UBXN2B: variants seen among roughly 807,000 people sequenced by gnomAD.
The protein encoded by UBXN2B is UBX domain protein 2B, also known as UBX domain-containing protein 2B.
A neutral mutation model predicts 37.5 loss-of-function variants in UBXN2B; 19 were observed. The observed-to-expected ratio is 0.51, with a 90% CI of 0.35 to 0.74. UBXN2B has a LOEUF of 0.74. Among genes scored for constraint, UBXN2B ranks in the 30% least tolerant of loss-of-function variants. UBXN2B has a pLI of 0.01. For synonymous variants in UBXN2B, 145 were observed against 143.8 expected, an observed-to-expected ratio of 1.01 and a Z score of -0.06; for missense variants, 370 against 393.2, an observed-to-expected ratio of 0.94 and a Z score of 0.50.
intron 6 of UBXN2B, among the ~76,000 whole-genome samples, chr8:58,443,579 G>A (rs1808601333): frequency 6.9e-6 from 1 of 145,536 alleles, no homozygotes. Flanking sequence ...GATGACTTGA[G>A]ATTAGGAATT....
intron 1 of UBXN2B, among the ~76,000 whole-genome samples, chr8:58,415,668 G>A (rs1252803206): frequency 6.6e-6 from 1 of 151,920 alleles, no homozygotes; most frequent in East Asian, 1.9e-4. Flanking sequence ...TTTTTTATAG[G>A]CATTTGAAGA....
chr8:58,439,920 A>G, intron 6 of UBXN2B, 150 bp downstream of exon 6: 1 of 608,468 alleles, frequency 1.6e-6, no homozygotes, highest in South Asian at 2.9e-5. Flanking sequence ...TCATAATATT[A>G]TATCATGTGA....
chr8:58,425,847 A>G, intron 2 of UBXN2B: 1 of 1,166,948 alleles, frequency 8.6e-7, no homozygotes. Context: ...AGTTCCTGAC[A>G]GCAAATCATA....
chr8:58,447,843 T>A lies in UBXN2B; in HGVS notation c.*292T>A, dbSNP rs1808715307. 4.5e-6 allele frequency: 1 copy of A among 220,468 alleles called. No individual in the cohort carries two copies. The highest frequency in any genetic ancestry group is 2.3e-5 in the African/African-American group (1 of 44,098). 13.7% of individuals were successfully genotyped at this position (220,468 alleles called of 1,614,324 possible). ...TAGTGTTAATGTAACAACATTTGTT[T>A]GCAGAGAAAAATGAACAAAACCCCT... On this transcript the variant is annotated 3_prime_UTR_variant, in exon 8 of 8. Coordinates refer to ENST00000399598, the MANE Select transcript of UBXN2B (RefSeq NM_001077619.2).
intron 6 of UBXN2B, among the ~76,000 whole-genome samples, chr8:58,442,079 A>G (rs1585618967): frequency 6.6e-6 from 1 of 152,152 alleles, no homozygotes; most frequent in African/African-American, 2.4e-5. Context: ...TGCCTCCACC[A>G]CCTTAGTAAC....
In UBXN2B at chr8:58,446,087, A is replaced by C. The variant is rs75091764; in HGVS notation, c.833+19A>C. On this transcript the variant is annotated intron_variant, in intron 7 of 7. Coordinates refer to ENST00000399598, the MANE Select transcript of UBXN2B (RefSeq NM_001077619.2). ...CACACAGGTAAGCTTCTTTACCAACAGTGTCCTGTTTGCTGTTATATACAC... is the reference window on the plus strand; with the variant it reads ...CACACAGGTAAGCTTCTTTACCAACCGTGTCCTGTTTGCTGTTATATACAC... 1.5e-4 allele frequency: 233 copies of C among 1,596,634 alleles called. 1 individual carries two copies. In the East Asian group the frequency reaches 2.2e-3, roughly 15 times the overall value.
At chr8:58,412,429 G>A (rs547663752) in intron 1 of UBXN2B, among the ~76,000 whole-genome samples, 77 of 152,334 alleles carry the variant, frequency 5.1e-4, no homozygotes, top group African/African-American at 1.7e-3. Context: ...GAGAAATAGG[G>A]TATGAATACT....
chr8:58,447,515 T>C lies in UBXN2B; in HGVS notation c.960T>C (p.Asp320=). Residue 320 remains aspartate, a synonymous_variant, in exon 8 of 8, where the codon GAT becomes GAC. Transcript: ENST00000399598. ...AAAGCCTGACACTGCTAGAAGCAGA[T>C]ATTCTTAACACTGTGTTACTCCAGC... ...TDESLTLLEA[D]ILNTVLLQQL... The C allele has an allele frequency of 6.2e-7, 1 of 1,613,122 alleles. No individual in the cohort carries two copies. The highest frequency in any genetic ancestry group is 1.3e-5 in the African/African-American group (1 of 75,048).
Position 58,447,860 on chromosome 8 carries a change from A to G in UBXN2B, c.*309A>G, listed in dbSNP as rs1323742381. 5.1e-6 allele frequency: 1 copy of G among 197,826 alleles called. No homozygotes were observed. Among genetic ancestry groups the G allele is most frequent in the African/African-American group, 2.3e-5 (1 of 43,332 alleles). 12.3% of individuals were successfully genotyped at this position (197,826 alleles called of 1,614,324 possible). A position where few individuals can be genotyped will look rare whatever the true frequency, so the allele number is the denominator to read the frequency against. Reference sequence around the variant, plus strand: ...CATTTGTTTGCAGAGAAAAATGAACAAAACCCCTTTTTGATAAATGCATTT... The same window carrying G: ...CATTTGTTTGCAGAGAAAAATGAACGAAACCCCTTTTTGATAAATGCATTT... On this transcript the variant is annotated 3_prime_UTR_variant, in exon 8 of 8. Transcript: ENST00000399598.
Position 58,449,067 on chromosome 8 carries a change from A to G in UBXN2B, c.*1516A>G, listed in dbSNP as rs919127120. 2.0e-5 allele frequency: 3 copies of G among 152,110 alleles called. No homozygotes were observed. Among genetic ancestry groups the G allele is most frequent in the African/African-American group, 2.4e-5 (1 of 41,400 alleles). 9.4% of individuals were successfully genotyped at this position (152,110 alleles called of 1,614,324 possible). On this transcript the variant is annotated 3_prime_UTR_variant, in exon 8 of 8. Transcript: ENST00000399598. ...TAAAAACCAGTGCTGTTTCATCTCT[A>G]TGACCCTTCTGTTACCACATCTCTC...
At chr8:58,425,779 A>G (rs2129603999) in intron 2 of UBXN2B, 3 of 1,161,210 alleles carry the variant, frequency 2.6e-6, no homozygotes, top group Non-Finnish European at 3.9e-6. Context: ...TCTTCTTGTA[A>G]TGTTCCACAA....
At chr8:58,446,191 A>G (rs1276940990) in intron 7 of UBXN2B, 123 bp downstream of exon 7, 1 of 1,085,702 alleles carries the variant, frequency 9.2e-7, no homozygotes, top group East Asian at 2.8e-5. Flanking sequence ...CTTTTGAAGT[A>G]AGTTTTTGAC....
intron 1 of UBXN2B, among the ~76,000 whole-genome samples, chr8:58,416,051 T>G (rs1477708889): frequency 5.3e-5 from 8 of 150,894 alleles, no homozygotes; most frequent in South Asian, 2.1e-4. Context: ...GTTTTTTGGG[T>G]TTTTTTTGAA....
At chr8:58,423,540 G>A (rs544726178) in intron 2 of UBXN2B, among the ~76,000 whole-genome samples, 43 of 151,162 alleles carry the variant, frequency 2.8e-4, no homozygotes, top group East Asian at 1.8e-3. Context: ...GGTTCACACC[G>A]TTCTCCTGCC....
At chr8:58,427,902 G>A (rs1808144668) in intron 2 of UBXN2B, among the ~76,000 whole-genome samples, 1 of 152,132 alleles carries the variant, frequency 6.6e-6, no homozygotes, top group African/African-American at 2.4e-5. Context: ...AAGAGGAGGA[G>A]GAAGAAAACT....
At chr8:58,425,628 C>G in intron 2 of UBXN2B, 1 of 1,131,106 alleles carries the variant, frequency 8.8e-7, no homozygotes, top group Non-Finnish European at 1.3e-6. Flanking sequence ...CAAATTCTTC[C>G]GAAAAGCCTT....
chr8:58,411,665 C>G (rs552121388), intron 1 of UBXN2B, among the ~76,000 whole-genome samples, 196 bp downstream of exon 1: 1 of 152,216 alleles, frequency 6.6e-6, no homozygotes, highest in Non-Finnish European at 1.5e-5. Flanking sequence ...GCCCAAGCCT[C>G]CAGCGCTGGT....
intron 4 of UBXN2B, 41 bp from the exon 5 acceptor site, chr8:58,434,354 T>C (rs1220407363): frequency 8.2e-6 from 4 of 485,660 alleles, no homozygotes; most frequent in Non-Finnish European, 1.2e-5. Context: ...TGTGAATATA[T>C]ATATATATAT....
At chr8:58,425,971 A>G (rs1483829773) in intron 2 of UBXN2B, 43 of 1,443,410 alleles carry the variant, frequency 3.0e-5, no homozygotes, top group Middle Eastern at 2.1e-4. Flanking sequence ...GAAAACTACC[A>G]TGTTTTCCTT....
Sources: allele counts gnomAD v4.1 joint callset (sites outside exome capture counted in the v4.1 genomes callset), GRCh38; gene constraint gnomAD v4.1.1; transcripts MANE v1.5; gene names NCBI Gene and HGNC (gene_info 2026-07-23, HGNC 2026-07-21).